The following MAGI1 variants were observed in gnomAD, a reference collection of about 807,000 sequenced individuals.
MAGI1 encodes the protein membrane-associated guanylate kinase, WW and PDZ domain-containing protein 1.
In MAGI1, 58 loss-of-function variants were observed where a neutral mutation model predicts 139.9. The ratio of observed to expected loss-of-function variants is 0.41; its 90% confidence interval spans 0.34 to 0.52. The LOEUF is 0.52. Among genes scored for constraint, MAGI1 ranks in the 20% least tolerant of loss-of-function variants. MAGI1 has a pLI of 0.12. For synonymous variants in MAGI1, 812 were observed against 737.9 expected (o/e 1.10, Z -1.63); for missense variants, 1,874 against 1,901.6 (o/e 0.99, Z 0.27).
intron 2 of MAGI1, among the ~76,000 whole-genome samples, chr3:65,550,752 C>A (rs1453827742): frequency 6.6e-6 from 1 of 151,948 alleles, no homozygotes; most frequent in Non-Finnish European, 1.5e-5. Context: ...ATCACTTGAG[C>A]CCCGAAGTTT....
At chr3:65,367,027 C>A (rs559707832) in intron 18 of MAGI1, among the ~76,000 whole-genome samples, 3 of 152,166 alleles carry the variant, frequency 2.0e-5, no homozygotes, top group African/African-American at 7.2e-5. Context: ...TATAGCCCAT[C>A]GCTGTGACTC....
intron 1 of MAGI1, among the ~76,000 whole-genome samples, chr3:65,666,446 A>G (rs550777130): frequency 1.8e-4 from 27 of 152,358 alleles, no homozygotes; most frequent in African/African-American, 6.0e-4. Context: ...AACACAAGTC[A>G]GAGAGAATGC....
At chr3:65,890,438 G>T (rs117501871) in intron 1 of MAGI1, among the ~76,000 whole-genome samples, 1 of 152,066 alleles carries the variant, frequency 6.6e-6, no homozygotes, top group Non-Finnish European at 1.5e-5. Context: ...CACACACACC[G>T]AGGAGGTCAG....
chr3:65,531,651 G>A (rs1340093385), intron 2 of MAGI1, among the ~76,000 whole-genome samples: 3 of 152,182 alleles, frequency 2.0e-5, no homozygotes, highest in Admixed American at 6.5e-5. Flanking sequence ...AGCACTTAGG[G>A]CATCACCCTC....
At chr3:65,726,806 G>C (rs532159442) in intron 1 of MAGI1, among the ~76,000 whole-genome samples, 1 of 151,978 alleles carries the variant, frequency 6.6e-6, no homozygotes, top group South Asian at 2.1e-4. Context: ...ATCTTGATAG[G>C]GCTTCAAATC....
At chr3:65,865,874 A>G (rs1330325142) in intron 1 of MAGI1, among the ~76,000 whole-genome samples, 2 of 152,116 alleles carry the variant, frequency 1.3e-5, no homozygotes, top group Non-Finnish European at 2.9e-5. Flanking sequence ...TCCTGACCTC[A>G]GGTGATCCAC....
At chr3:65,734,731 A>C (rs1223443694) in intron 1 of MAGI1, among the ~76,000 whole-genome samples, 1 of 152,152 alleles carries the variant, frequency 6.6e-6, no homozygotes, top group East Asian at 1.9e-4. Flanking sequence ...AGAGTTGTTA[A>C]AATCTAACAA....
intron 1 of MAGI1, among the ~76,000 whole-genome samples, chr3:65,982,676 G>A (rs1443101487): frequency 6.6e-6 from 1 of 152,092 alleles, no homozygotes; most frequent in Non-Finnish European, 1.5e-5. Flanking sequence ...TGTGTGGTCT[G>A]GTAATAGGGC....
intron 1 of MAGI1, among the ~76,000 whole-genome samples, chr3:65,787,472 CA>C (rs2039476162): frequency 6.6e-6 from 1 of 150,902 alleles, no homozygotes; most frequent in Non-Finnish European, 1.5e-5. Flanking sequence ...AATAGAATGC[CA>C]AAACACATTG....
chr3:65,541,937 A>G (rs2079248338), intron 2 of MAGI1, among the ~76,000 whole-genome samples: 1 of 152,150 alleles, frequency 6.6e-6, no homozygotes, highest in Admixed American at 6.6e-5. Flanking sequence ...CAGGCAGGAG[A>G]AAGAAATAAA....
At position 65,397,268 on chromosome 3, in the gene MAGI1, G is replaced by T. The variant is rs1944466667; in HGVS notation, c.2199+4171C>A. Reference sequence around the variant, plus strand: ...ATAAAACGGAATGATCTAGGCCAGGGTCACTTAGTGTGTGTGTGTAAAAGG... The same window carrying T: ...ATAAAACGGAATGATCTAGGCCAGGTTCACTTAGTGTGTGTGTGTAAAAGG... On this transcript the variant is annotated intron_variant, in intron 13 of 22. Transcript: ENST00000402939. Among the ~76,000 whole-genome samples the T allele has an allele frequency of 2.6e-5, 4 of 152,302 alleles. 1 individual carries two copies. Among genetic ancestry groups the T allele is most frequent in the South Asian group, 2.1e-4 (1 of 4,826 alleles).
chr3:65,702,960 C>T (rs982837130), intron 1 of MAGI1, among the ~76,000 whole-genome samples: 3 of 151,910 alleles, frequency 2.0e-5, no homozygotes, highest in African/African-American at 7.3e-5. Flanking sequence ...GGACTACCCC[C>T]TGCTGAGAAT....
chr3:65,657,444 A>C (rs1000656730), intron 1 of MAGI1, among the ~76,000 whole-genome samples: 1 of 151,582 alleles, frequency 6.6e-6, no homozygotes, highest in African/African-American at 2.4e-5. Context: ...AAAAAAAAAA[A>C]AAAAACACAT....
intron 2 of MAGI1, among the ~76,000 whole-genome samples, chr3:65,528,216 G>A (rs951813915): frequency 3.9e-5 from 6 of 152,054 alleles, no homozygotes; most frequent in African/African-American, 9.7e-5. Flanking sequence ...TTTTTACCTC[G>A]CTTTTCTTTC....
intron 1 of MAGI1, among the ~76,000 whole-genome samples, chr3:65,947,734 A>G (rs2063602318): frequency 1.3e-5 from 2 of 151,970 alleles, no homozygotes; most frequent in African/African-American, 2.4e-5. Context: ...CTCCCACATC[A>G]GCCTCCTGAG....
intron 3 of MAGI1, among the ~76,000 whole-genome samples, chr3:65,491,101 T>G (rs72896390): frequency 0.021 from 3,161 of 152,216 alleles, 111 homozygotes; most frequent in African/African-American, 0.072. Flanking sequence ...TAGCTTCAAG[T>G]ACTAATGGGT....
rs369020245 is a variant in MAGI1 at position 65,622,235 on chromosome 3, T to C, written c.314-147A>G. On this transcript the variant is annotated intron_variant, in intron 1 of 22. Coordinates refer to ENST00000402939, the MANE Select transcript of MAGI1 (RefSeq NM_001033057.2). The stretch of plus-strand genomic sequence containing the variant: ...TAGGAGGATGTACTTTAGGTTTTCC[T>C]CTGCAGGGGTAAAGTCAAGCCAGAA... 1.2e-4 allele frequency: 83 copies of C among 676,808 alleles called. 1 individual carries two copies. The African/African-American group carries it at 1.3e-3, about 10-fold the overall frequency. The allele number at this position is 676,808 out of a possible 1,614,324, so 41.9% of individuals were successfully genotyped here.
At chr3:65,665,467 C>T (rs957296351) in intron 1 of MAGI1, among the ~76,000 whole-genome samples, 2 of 152,044 alleles carry the variant, frequency 1.3e-5, no homozygotes, top group African/African-American at 2.4e-5. Flanking sequence ...AGTGTTCAAC[C>T]CTTCTCAGTG....
chr3:65,833,122 C>CT (rs1445763167), intron 1 of MAGI1, among the ~76,000 whole-genome samples: 307 of 89,512 alleles, frequency 3.4e-3, no homozygotes, highest in African/African-American at 0.011. Context: ...GTCTACTGAA[C>CT]TTTTTTTTTT....
Sources: allele counts gnomAD v4.1 joint callset (sites outside exome capture counted in the v4.1 genomes callset), GRCh38; gene constraint gnomAD v4.1.1; transcripts MANE v1.5; gene names NCBI Gene and HGNC (gene_info 2026-07-23, HGNC 2026-07-21).